The following EDIL3 variants were observed in gnomAD, a reference collection of about 807,000 sequenced individuals.
EDIL3 encodes EGF-like repeat and discoidin I-like domain-containing protein 3.
Under a neutral mutation model 67.4 loss-of-function variants are expected in EDIL3, and 37 were observed. The ratio of observed to expected loss-of-function variants is 0.55; its 90% CI spans 0.42 to 0.72. The LOEUF is 0.72. Ranked by LOEUF, EDIL3 falls within the 30% of genes least tolerant of loss-of-function variation. The pLI is 0.00. For missense variants in EDIL3, 527 were observed against 586.3 expected (o/e 0.90, Z 1.04); for synonymous variants, 195 against 196.3 (o/e 0.99, Z 0.05).
At chr5:84,046,372 A>T (rs16900850) in intron 9 of EDIL3, among the ~76,000 whole-genome samples, 2,472 of 152,194 alleles carry the variant, frequency 0.016, 73 homozygotes, top group African/African-American at 0.057. Flanking sequence ...AATCCAACAG[A>T]TATCCCCTGA....
At chr5:83,954,169 G>C (rs1438768160) in intron 10 of EDIL3, among the ~76,000 whole-genome samples, 1 of 150,554 alleles carries the variant, frequency 6.6e-6, no homozygotes, top group Non-Finnish European at 1.5e-5. Context: ...TATGTATCAT[G>C]TAGAACTAAA....
At position 84,085,470 on chromosome 5, in the gene EDIL3, C is replaced by A. The variant is rs141416753; in HGVS notation, c.652-18864G>T. The stretch of plus-strand genomic sequence containing the variant: ...TCAGCTGCAGTTTGCTGGAGGTCCA[C>A]TCCCAGACCCTGTTCACCTGGGTAT... On this transcript the variant is annotated intron_variant, in intron 6 of 10. Coordinates refer to ENST00000296591, the MANE Select transcript of EDIL3 (RefSeq NM_005711.5). Among the ~76,000 whole-genome samples the A allele has an allele frequency of 5.6e-3, 851 of 152,280 alleles. 5 individuals are homozygous for A. Among genetic ancestry groups the A allele is most frequent in the African/African-American group, 0.019 (810 of 41,548 alleles).
At chr5:84,326,207 C>T (rs1399455286) in intron 1 of EDIL3, among the ~76,000 whole-genome samples, 2 of 152,042 alleles carry the variant, frequency 1.3e-5, no homozygotes, top group African/African-American at 4.8e-5. Flanking sequence ...ATGAAGTCCT[C>T]TCAACCTTGG....
At chr5:84,222,192 ACT>A (rs1744356246) in intron 3 of EDIL3, among the ~76,000 whole-genome samples, 1 of 152,002 alleles carries the variant, frequency 6.6e-6, no homozygotes, top group East Asian at 1.9e-4. Context: ...ATATCTAATT[ACT>A]CTGTTTCCTG....
intron 5 of EDIL3, among the ~76,000 whole-genome samples, chr5:84,134,911 T>G (rs1000713335): frequency 1.3e-5 from 2 of 152,270 alleles, no homozygotes; most frequent in South Asian, 4.1e-4. Context: ...TGAATTTAAA[T>G]ATAAATGTTG....
intron 1 of EDIL3, among the ~76,000 whole-genome samples, chr5:84,379,524 A>G (rs148823051): frequency 6.4e-4 from 98 of 152,298 alleles, no homozygotes; most frequent in African/African-American, 2.2e-3. Flanking sequence ...TGTGTAAATC[A>G]ATATAACAGA....
intron 1 of EDIL3, among the ~76,000 whole-genome samples, chr5:84,378,255 T>C (rs1032061392): frequency 2.6e-5 from 4 of 152,164 alleles, no homozygotes; most frequent in African/African-American, 9.7e-5. Context: ...AATGTATACA[T>C]TTCACTGCAT....
At chr5:84,231,465 T>C (rs1174510311) in intron 2 of EDIL3, among the ~76,000 whole-genome samples, 1 of 152,174 alleles carries the variant, frequency 6.6e-6, no homozygotes, top group Non-Finnish European at 1.5e-5. Flanking sequence ...AAAATAAAAA[T>C]TTACTCAGCT....
chr5:83,971,382 T>C lies in EDIL3; in HGVS notation c.1138-8022A>G, dbSNP rs376284568. The stretch of plus-strand genomic sequence containing the variant: ...GCCTCAAACTCCTAGGCTCAAGCCA[T>C]CCTCTTGTCTCAGCCTCCTGAGTAG... On this transcript the variant is annotated intron_variant, in intron 9 of 10. Coordinates refer to ENST00000296591, the MANE Select transcript of EDIL3 (RefSeq NM_005711.5). Among the ~76,000 whole-genome samples the C allele has an allele frequency of 4.0e-5, 6 of 151,632 alleles. No homozygotes were observed. The South Asian group carries it at 1.2e-3, about 32-fold the overall frequency.
chr5:83,985,098 GA>G (rs1330200186), intron 9 of EDIL3, among the ~76,000 whole-genome samples: 2 of 151,696 alleles, frequency 1.3e-5, no homozygotes. Context: ...TAAATAAAAG[GA>G]AAAATGTAGG....
intron 1 of EDIL3, among the ~76,000 whole-genome samples, chr5:84,258,241 A>AAT (rs1266641260): frequency 6.6e-6 from 1 of 152,204 alleles, no homozygotes; most frequent in African/African-American, 2.4e-5. Flanking sequence ...TTGAGAAGTA[A>AAT]TGTCTGCGAA....
chr5:84,186,236 A>G (rs1000023821), intron 3 of EDIL3, among the ~76,000 whole-genome samples: 2 of 152,152 alleles, frequency 1.3e-5, no homozygotes, highest in African/African-American at 2.4e-5. Context: ...TTGTAACACT[A>G]TAAGTAATAA....
intron 4 of EDIL3, among the ~76,000 whole-genome samples, chr5:84,160,735 CTTTT>C (rs1748587770): frequency 8.1e-6 from 1 of 122,852 alleles, no homozygotes; most frequent in Non-Finnish European, 1.9e-5. Flanking sequence ...TCTTTTTTTT[CTTTT>C]CTTTTCTTTC....
chr5:84,275,452 AG>A (rs1745563871), intron 1 of EDIL3, among the ~76,000 whole-genome samples: 1 of 152,256 alleles, frequency 6.6e-6, no homozygotes, highest in African/African-American at 2.4e-5. Flanking sequence ...TAGCAGCACA[AG>A]AAGGAAATTA....
At chr5:84,320,101 G>C (rs981508125) in intron 1 of EDIL3, among the ~76,000 whole-genome samples, 2 of 151,966 alleles carry the variant, frequency 1.3e-5, no homozygotes, top group African/African-American at 2.4e-5. Flanking sequence ...GTATACCTAT[G>C]TAACAAACCT....
intron 3 of EDIL3, among the ~76,000 whole-genome samples, chr5:84,220,894 T>TA (rs555022450): frequency 1.6e-3 from 246 of 151,728 alleles, no homozygotes; most frequent in African/African-American, 5.7e-3. Flanking sequence ...GCAGACATAT[T>TA]ACAGCCATGG....
At chr5:84,121,680 G>C (rs956795379) in intron 5 of EDIL3, among the ~76,000 whole-genome samples, 1 of 151,422 alleles carries the variant, frequency 6.6e-6, no homozygotes, top group African/African-American at 2.4e-5. Context: ...GCAAACCTTA[G>C]ACTGAATTTT....
intron 1 of EDIL3, among the ~76,000 whole-genome samples, chr5:84,322,280 A>T (rs1390318791): frequency 1.3e-5 from 2 of 152,008 alleles, no homozygotes; most frequent in Admixed American, 1.3e-4. Context: ...ACAAAGACTA[A>T]GACAACTGCC....
At chr5:84,322,751 C>A (rs907990681) in intron 1 of EDIL3, among the ~76,000 whole-genome samples, 2 of 151,950 alleles carry the variant, frequency 1.3e-5, no homozygotes, top group African/African-American at 4.8e-5. Context: ...TCAAAGAGAA[C>A]AATTTCAAAA....
Sources: allele counts gnomAD v4.1 joint callset (sites outside exome capture counted in the v4.1 genomes callset), GRCh38; gene constraint gnomAD v4.1.1; transcripts MANE v1.5; gene names NCBI Gene and HGNC (gene_info 2026-07-23, HGNC 2026-07-21).